KRI1: variants seen among roughly 807,000 people sequenced by gnomAD.
KRI1 encodes KRI1 homolog.
Under a neutral mutation model 97.0 loss-of-function variants are expected in KRI1, and 83 were observed. The observed-to-expected ratio is 0.86, with a 90% CI of 0.72 to 1.03. KRI1 has a LOEUF of 1.03. KRI1 is among the 50% of genes least tolerant of loss of function. The pLI, the probability that KRI1 is intolerant of heterozygous loss-of-function variation, is 0.00. For synonymous variants in KRI1, 371 were observed against 363.5 expected, an observed-to-expected ratio of 1.02 and a Z score of -0.23; for missense variants, 916 against 928.4, an observed-to-expected ratio of 0.99 and a Z score of 0.17.
chr19:10,553,371 C>T lies in KRI1; in HGVS notation c.*580G>A. 3.3e-6 allele frequency: 1 copy of T among 303,326 alleles called. No homozygotes were observed. Among genetic ancestry groups the T allele is most frequent in the Non-Finnish European group, 6.2e-6 (1 of 161,684 alleles). 18.8% of individuals were successfully genotyped at this position (303,326 alleles called of 1,614,324 possible). A position where few individuals can be genotyped will look rare whatever the true frequency, so the allele number is the denominator to read the frequency against. On this transcript the variant is annotated 3_prime_UTR_variant, in exon 19 of 19. Coordinates refer to ENST00000312962, the MANE Select transcript of KRI1 (RefSeq NM_023008.5). ...CGGGCCCTCCCTGTCCCAAAGCCCC[C>T]TTGGGGGAACTGTGGCTGCTGGGGG...
intron 2 of KRI1, 88 bp downstream of exon 2, chr19:10,565,629 G>T: frequency 1.4e-6 from 2 of 1,459,322 alleles, no homozygotes; most frequent in Non-Finnish European, 1.8e-6. Flanking sequence ...CTCTGGGGTT[G>T]GGGGTTCCCC....
In KRI1 at chr19:10,563,807, C is replaced by T. The variant is rs76105701; in HGVS notation, c.275-970G>A. ...CCTCCCAAATACCTGGGACTATAAG[C>T]GCACACCAGCATGCTCAGCTGAGTT... On this transcript the variant is annotated intron_variant, in intron 3 of 18. Transcript: ENST00000312962. Among the ~76,000 whole-genome samples the T allele has an allele frequency of 5.6e-3, 849 of 152,236 alleles. 26 individuals are homozygous for T. In the East Asian group the frequency reaches 0.087, roughly 16 times the overall value.
chr19:10,564,118 C>T (rs1443964241), intron 3 of KRI1, among the ~76,000 whole-genome samples: 2 of 145,840 alleles, frequency 1.4e-5, no homozygotes, highest in Admixed American at 7.0e-5. Context: ...TGCACTCCAG[C>T]TTGGGCAACA....
intron 2 of KRI1, chr19:10,565,297 G>C: frequency 3.6e-6 from 2 of 560,852 alleles, no homozygotes; most frequent in Non-Finnish European, 6.3e-6. Flanking sequence ...CTTGACAAGG[G>C]GCAGGTGGGC....
At position 10,555,116 on chromosome 19, in the gene KRI1, CCGCTTTTT is replaced by C; in HGVS notation, c.1744_1751del (p.Lys582AlafsTer25). ...CTCGGCAGAGTGACTTGAAGACCTG[CCGCTTTTT>C]CCATGAGTTCTGGGCCTTCTGGCTG... On this transcript the variant is annotated frameshift_variant, in exon 18 of 19. Coordinates refer to ENST00000312962, the MANE Select transcript of KRI1 (RefSeq NM_023008.5). LOFTEE classifies it low-confidence loss of function (END_TRUNC). 6.2e-7 allele frequency: 1 copy of C among 1,613,930 alleles called. No homozygotes were observed. The highest frequency in any genetic ancestry group is 8.5e-7 in the Non-Finnish European group (1 of 1,179,964).
At chr19:10,554,707 C>T (rs952148134) in intron 18 of KRI1, among the ~76,000 whole-genome samples, 3 of 152,052 alleles carry the variant, frequency 2.0e-5, no homozygotes, top group Admixed American at 2.0e-4. Context: ...ACACACCTGG[C>T]CTCATTTTAG....
chr19:10,553,238 C>T lies in KRI1; in HGVS notation c.*713G>A, dbSNP rs1916362537. On this transcript the variant is annotated 3_prime_UTR_variant, in exon 19 of 19. Transcript: ENST00000312962. ...AGCCAGGGACAGAGCCCACAGAGCC[C>T]ATACACCTGTCTCCCACCAGCGGGG... is the stretch of plus-strand genomic sequence containing the variant. 1 of 841,216 alleles carries T rather than the reference C, an allele frequency of 1.2e-6. No homozygotes were observed. The highest frequency in any genetic ancestry group is 1.7e-5 in the African/African-American group (1 of 58,534). 52.1% of individuals were successfully genotyped at this position (841,216 alleles called of 1,614,324 possible).
intron 3 of KRI1, 124 bp downstream of exon 3, chr19:10,564,786 GGGAGATGCTACCGTTAGAT>G: frequency 1.4e-6 from 1 of 704,550 alleles, no homozygotes; most frequent in Non-Finnish European, 2.6e-6. Context: ...CAGCCCTGAG[GGGAGATGCTACCGTTAGAT>G]ATACTTTACA....
In KRI1 at chr19:10,561,261, G is replaced by A. The variant is rs150345623; in HGVS notation, c.493C>T (p.Arg165Trp). ...TCCTCACTGTCCTCCACAAATGCCC[G>A]GAAGCTGCCCACGAGAGAAAACAAG... ...EEQKQLKESF[R>W]AFVEDSEDED... is the part of the protein sequence containing the mutation. The change falls in exon 7 of 19, where the codon CGG becomes TGG. Residue 165 changes from arginine (R) to tryptophan (W), a missense_variant. Coordinates refer to ENST00000312962, the MANE Select transcript of KRI1 (RefSeq NM_023008.5). The A allele has an allele frequency of 1.6e-4, 257 of 1,614,024 alleles. 1 individual carries two copies. The highest frequency in any genetic ancestry group is 1.3e-3 in the African/African-American group (101 of 75,018).
Position 10,560,379 on chromosome 19 carries a change from G to C in KRI1, c.733C>G (p.Leu245Val), listed in dbSNP as rs763397256. The C allele has an allele frequency of 2.5e-6, 4 of 1,613,694 alleles. No individual in the cohort carries two copies. Among genetic ancestry groups the C allele is most frequent in the Admixed American group, 1.7e-5 (1 of 59,960 alleles). Residue 245 changes from leucine (L) to valine (V), a missense_variant, in exon 9 of 19, where the codon CTC (leucine) becomes GTC (valine). Leu to Val is a conservative substitution (Grantham distance 32, BLOSUM62 1). Transcript: ENST00000312962. ...EGERFLRDYI[L>V]NKRYEEEEEE... ...TCCTCCTCCTCATAGCGTTTGTTGAGGATGTAATCCCGCAGGAACCGCTCC... is the reference window on the plus strand; with the variant it reads ...TCCTCCTCCTCATAGCGTTTGTTGACGATGTAATCCCGCAGGAACCGCTCC...
chr19:10,558,293 GC>G (rs1916583853), intron 12 of KRI1, 54 bp from the exon 13 acceptor site: 9 of 1,562,272 alleles, frequency 5.8e-6, no homozygotes, highest in Non-Finnish European at 7.9e-6. Context: ...TAGGAGCTGA[GC>G]CCCCTACGAT....
rs1916421574 is a variant in KRI1 at position 10,554,248 on chromosome 19, T to A, written c.1815A>T (p.Pro605=). The change falls in exon 19 of 19, where the codon CCA becomes CCT. Residue 605 remains proline, a synonymous_variant. Transcript: ENST00000312962. ...AETPAEATGK[P]QRDEAGPQRQ... ...TCTGTGGGCCGGCTTCATCTCTCTGTGGCTTCCCTGTGGCTTCCGCAGGTG... is the reference window on the plus strand; with the variant it reads ...TCTGTGGGCCGGCTTCATCTCTCTGAGGCTTCCCTGTGGCTTCCGCAGGTG... 6.2e-7 allele frequency: 1 copy of A among 1,613,976 alleles called. No individual in the cohort carries two copies. The highest frequency in any genetic ancestry group is 8.5e-7 in the Non-Finnish European group (1 of 1,179,956).
At chr19:10,558,081 CAG>C in intron 13 of KRI1, 21 bp from the exon 14 acceptor site, 1 of 1,614,038 alleles carries the variant, frequency 6.2e-7, no homozygotes, top group Non-Finnish European at 8.5e-7. Flanking sequence ...GGAGAACAGA[CAG>C]GTGGGGCCAG....
At chr19:10,564,489 G>A (rs1599537507) in intron 3 of KRI1, among the ~76,000 whole-genome samples, 1 of 151,018 alleles carries the variant, frequency 6.6e-6, no homozygotes, top group Non-Finnish European at 1.5e-5. Context: ...ATGGGGTCTT[G>A]CTATGTTGGC....
chr19:10,555,395 C>A, intron 16 of KRI1, 46 bp from the exon 17 acceptor site: 1 of 1,601,746 alleles, frequency 6.2e-7, no homozygotes, highest in Non-Finnish European at 8.6e-7. Context: ...ATTGCCCAGG[C>A]GGGGCCTTCC....
At chr19:10,554,829 G>T (rs557379415) in intron 18 of KRI1, among the ~76,000 whole-genome samples, 1 of 151,612 alleles carries the variant, frequency 6.6e-6, no homozygotes, top group South Asian at 2.1e-4. Flanking sequence ...CACTTTACGA[G>T]AATTAACTCA....
intron 12 of KRI1, among the ~76,000 whole-genome samples, chr19:10,558,453 G>A (rs1468472620): frequency 1.3e-5 from 2 of 151,956 alleles, no homozygotes; most frequent in East Asian, 1.9e-4. Flanking sequence ...TGTACTGGCC[G>A]CCATTCAGTT....
At chr19:10,562,370 G>A (rs1039494252) in intron 4 of KRI1, among the ~76,000 whole-genome samples, 20 of 149,146 alleles carry the variant, frequency 1.3e-4, no homozygotes, top group Non-Finnish European at 8.9e-5. Flanking sequence ...TTGAGACAGG[G>A]TCTTATTCTG....
In KRI1 at chr19:10,565,014, C is replaced by G; in HGVS notation, c.189G>C (p.Glu63Asp). ...AGGAGAGCGTTTTGTAAAAGTCCCG[C>G]TCCTGCTGGGGATCAAATTCCTAGG... ...DERVEFDPQQ[E>D]RDFYKTLSLL... Residue 63 changes from glutamate (E) to aspartate (D), a missense_variant, in exon 3 of 19, where the codon GAG (glutamate) becomes GAC (aspartate). Around this residue, in one of 3 missense-constraint regions of KRI1, gnomAD observed 173 missense variants for 153.1 expected, o/e 1.13. Coordinates refer to ENST00000312962, the MANE Select transcript of KRI1 (RefSeq NM_023008.5). 1 of 1,613,192 alleles carries G rather than the reference C, an allele frequency of 6.2e-7. No homozygotes were observed. Among genetic ancestry groups the G allele is most frequent in the Non-Finnish European group, 8.5e-7 (1 of 1,179,242 alleles).
Sources: allele counts gnomAD v4.1 joint callset (sites outside exome capture counted in the v4.1 genomes callset), GRCh38; gene constraint gnomAD v4.1.1; regional missense constraint gnomAD v4.1.1; transcripts MANE v1.5; gene names NCBI Gene and HGNC (gene_info 2026-07-23, HGNC 2026-07-21).